The following DNAH5 variants were observed in gnomAD, a reference collection of about 807,000 sequenced individuals.
The protein encoded by DNAH5 is axonemal beta dynein heavy chain 5.
In DNAH5, 372 loss-of-function variants were observed where a neutral mutation model predicts 518.2. That is an observed-to-expected ratio of 0.72 (90% CI 0.66 to 0.78). DNAH5 has a LOEUF of 0.78. Ranked by LOEUF, DNAH5 falls within the 30% of genes least tolerant of loss-of-function variation. The pLI is 0.00. For missense variants in DNAH5, 5,523 were observed against 5,687.0 expected, an observed-to-expected ratio of 0.97 and a Z score of 0.93; for synonymous variants, 2,039 against 2,025.9, an observed-to-expected ratio of 1.01 and a Z score of -0.17.
At chr5:13,795,409 A>T (rs1305909387) in intron 47 of DNAH5, among the ~76,000 whole-genome samples, 5 of 152,230 alleles carry the variant, frequency 3.3e-5, no homozygotes, top group African/African-American at 1.2e-4. Context: ...CCATCAGAGA[A>T]TACTATAAAC....
chr5:13,991,755 G>A (rs765942503), intron 1 of DNAH5, among the ~76,000 whole-genome samples: 1 of 152,028 alleles, frequency 6.6e-6, no homozygotes, highest in Non-Finnish European at 1.5e-5. Flanking sequence ...TTGAGAAAGG[G>A]GATACAAATA....
At chr5:13,723,314 G>GA (rs371896968) in intron 70 of DNAH5, among the ~76,000 whole-genome samples, 1 of 152,310 alleles carries the variant, frequency 6.6e-6, no homozygotes, top group African/African-American at 2.4e-5. Flanking sequence ...GGAGTCCTGT[G>GA]ATCAGGAAGG....
chr5:13,809,119 A>G lies in DNAH5; in HGVS notation c.7677T>C (p.Tyr2559=). The G allele has an allele frequency of 6.2e-7, 1 of 1,614,066 alleles. No individual in the cohort carries two copies. ...YLYPSDTTPE[Y]GSILVPNVDN... ...CAACATTTGGCACCAGAATAGAACC[A>G]TACTCTGGGGTGGTATCAGACGGAT... The change falls in exon 46 of 79, where the codon TAT becomes TAC. Residue 2559 remains tyrosine, a synonymous_variant. Transcript: ENST00000265104.
At chr5:13,969,694 T>C (rs186303521) in intron 1 of DNAH5, among the ~76,000 whole-genome samples, 404 of 152,346 alleles carry the variant, frequency 2.7e-3, no homozygotes, top group Non-Finnish European at 4.3e-3. Flanking sequence ...TTCAATTTTC[T>C]TAAATTTATC....
intron 71 of DNAH5, among the ~76,000 whole-genome samples, chr5:13,720,403 T>C (rs892049874): frequency 3.3e-5 from 5 of 152,214 alleles, no homozygotes; most frequent in African/African-American, 1.2e-4. Context: ...TATTTTGCTT[T>C]GTTTTGGTTT....
At chr5:13,900,795 T>A in intron 14 of DNAH5, 1 of 321,560 alleles carries the variant, frequency 3.1e-6, no homozygotes, top group Non-Finnish European at 5.8e-6. Flanking sequence ...AGAAAAACAA[T>A]GAACACAGCT....
At chr5:13,978,360 G>A (rs1222772652) in intron 1 of DNAH5, among the ~76,000 whole-genome samples, 2 of 152,188 alleles carry the variant, frequency 1.3e-5, no homozygotes, top group Non-Finnish European at 2.9e-5. Flanking sequence ...AATGTGGTTG[G>A]ACTTCTTCCA....
intron 11 of DNAH5, 47 bp from the exon 12 acceptor site, chr5:13,911,540 T>C (rs1289356669): frequency 3.5e-6 from 5 of 1,415,734 alleles, no homozygotes; most frequent in Non-Finnish European, 4.0e-6. Flanking sequence ...TATTCTTATA[T>C]TACCTAACTA....
intron 3 of DNAH5, 25 bp downstream of exon 3, chr5:13,928,069 G>T: frequency 6.4e-7 from 1 of 1,573,168 alleles, no homozygotes; most frequent in Non-Finnish European, 8.8e-7. Context: ...ACATTTCTGG[G>T]TTATGTCACA....
chr5:14,001,471 C>T (rs1328563845), intron 1 of DNAH5, among the ~76,000 whole-genome samples: 1 of 151,982 alleles, frequency 6.6e-6, no homozygotes, highest in Non-Finnish European at 1.5e-5. Context: ...TCATGCCATT[C>T]TCCTGCCTCA....
rs1561215326 is a variant in DNAH5 at position 13,770,839 on chromosome 5, T to TG, written c.9514dup (p.His3172ProfsTer15). ...GGAGAGGTATGATTTGGGCGTCACG[T>TG]GGGTAGAACGTCGGAATCTCTGAAA... On this transcript the variant is annotated frameshift_variant, in exon 56 of 79. Transcript: ENST00000265104. LOFTEE classifies it high-confidence loss of function. 5 of 1,614,044 alleles carry TG rather than the reference T, an allele frequency of 3.1e-6. No individual in the cohort carries two copies. In the South Asian group the frequency reaches 5.5e-5, roughly 18 times the overall value.
chr5:13,931,087 G>C (rs752581376), intron 2 of DNAH5, 23 bp downstream of exon 2: 2 of 1,613,974 alleles, frequency 1.2e-6, no homozygotes, highest in Non-Finnish European at 8.5e-7. Context: ...CATCAAGTCA[G>C]TGAGAAGTGA....
intron 1 of DNAH5, among the ~76,000 whole-genome samples, chr5:13,987,088 G>A (rs1783105238): frequency 6.6e-6 from 1 of 152,124 alleles, no homozygotes; most frequent in Non-Finnish European, 1.5e-5. Context: ...GTGGCCTCAT[G>A]GCAGAAGCCC....
intron 35 of DNAH5, 82 bp from the exon 36 acceptor site, chr5:13,830,857 C>T: frequency 7.1e-7 from 1 of 1,414,444 alleles, no homozygotes. Flanking sequence ...ATGAAACGCA[C>T]ACAAGATTAA....
chr5:13,908,403 A>G (rs193164048), intron 12 of DNAH5, among the ~76,000 whole-genome samples: 1 of 152,170 alleles, frequency 6.6e-6, no homozygotes, highest in East Asian at 1.9e-4. Context: ...GCAAATCTCT[A>G]CTGAGCCCTA....
At position 13,855,232 on chromosome 5, in the gene DNAH5, G is replaced by A. The variant is rs1377954508; in HGVS notation, c.4950+4220C>T. On this transcript the variant is annotated intron_variant, in intron 30 of 78. Transcript: ENST00000265104. ...TTTTTTTTTTTTTTTTTTTTGAGAC[G>A]GAGTCTCGCTCTGTCGCCCAGGCTG... Among the ~76,000 whole-genome samples, 9 of 91,688 alleles carry A rather than the reference G, an allele frequency of 9.8e-5. 1 individual carries two copies. The highest frequency in any genetic ancestry group is 3.4e-4 in the Admixed American group (3 of 8,904). 60.2% of individuals were successfully genotyped at this position (91,688 alleles called of 152,430 possible). A position where few individuals can be genotyped will look rare whatever the true frequency, so the allele number is the denominator to read the frequency against.
At chr5:13,759,399 T>G (rs1366400530) in intron 60 of DNAH5, among the ~76,000 whole-genome samples, 2 of 152,252 alleles carry the variant, frequency 1.3e-5, no homozygotes, top group Non-Finnish European at 1.5e-5. Context: ...ACTGTAATAT[T>G]AAATGTATAT....
rs1358728493 is a variant in DNAH5, at chr5:13,793,724, G to A, written c.8015C>T (p.Thr2672Met). 3.7e-6 allele frequency: 6 copies of A among 1,613,656 alleles called. No individual in the cohort carries two copies. Among genetic ancestry groups the A allele is most frequent in the African/African-American group, 2.7e-5 (2 of 74,986 alleles). ...CATCAGCTGTCGCACTATCTCATTCGTAACCTACAAAAGACAACTTTCAGA... is the reference window on the plus strand; with the variant it reads ...CATCAGCTGTCGCACTATCTCATTCATAACCTACAAAAGACAACTTTCAGA... ...PIINEWGDQV[T>M]NEIVRQLMEQ... Residue 2672 changes from threonine to methionine, a missense_variant, in exon 49 of 79, where the codon ACG becomes ATG. Transcript: ENST00000265104.
chr5:13,872,004 A>G (rs1015362184), intron 22 of DNAH5, among the ~76,000 whole-genome samples: 2 of 152,226 alleles, frequency 1.3e-5, no homozygotes, highest in African/African-American at 4.8e-5. Flanking sequence ...AGCAGTTTCT[A>G]GAAACTAGAT....
Sources: allele counts gnomAD v4.1 joint callset (sites outside exome capture counted in the v4.1 genomes callset), GRCh38; gene constraint gnomAD v4.1.1; transcripts MANE v1.5; gene names NCBI Gene and HGNC (gene_info 2026-07-23, HGNC 2026-07-21).